MASP1: variants seen among roughly 807,000 people sequenced by gnomAD.
The protein encoded by MASP1 is mannan-binding lectin serine protease 1.
MASP1 carries 59 observed loss-of-function variants against 77.1 expected under a neutral mutation model. The observed-to-expected ratio is 0.77, with a 90% CI of 0.62 to 0.95. MASP1 has a LOEUF of 0.95. Among genes scored for constraint, MASP1 ranks in the 40% least tolerant of loss-of-function variants. MASP1 has a pLI of 0.00. For synonymous variants in MASP1, 362 were observed against 354.5 expected, an observed-to-expected ratio of 1.02 and a Z score of -0.24; for missense variants, 885 against 912.9, an observed-to-expected ratio of 0.97 and a Z score of 0.39.
intron 5 of MASP1, among the ~76,000 whole-genome samples, chr3:187,253,626 G>A (rs904061915): frequency 6.6e-6 from 1 of 152,106 alleles, no homozygotes; most frequent in Non-Finnish European, 1.5e-5. Context: ...GCATTGATGT[G>A]GCACATATAC....
At chr3:187,254,939 C>A (rs1714946891) in intron 5 of MASP1, among the ~76,000 whole-genome samples, 1 of 152,048 alleles carries the variant, frequency 6.6e-6, no homozygotes, top group African/African-American at 2.4e-5. Context: ...ACAAATGAAG[C>A]CCCAAGAGGT....
At chr3:187,291,209 A>G (rs955692853) in intron 1 of MASP1, 5 of 252,706 alleles carry the variant, frequency 2.0e-5, no homozygotes, top group Non-Finnish European at 3.2e-5. Context: ...TTTTCTGGTC[A>G]GAAGGAATGA....
At chr3:187,250,897 G>A (rs1046344100) in intron 7 of MASP1, among the ~76,000 whole-genome samples, 4 of 152,252 alleles carry the variant, frequency 2.6e-5, no homozygotes, top group Middle Eastern at 3.4e-3. Context: ...TTTTTAAAGC[G>A]AACCATGTGA....
chr3:187,238,384 A>G (rs1024811487), intron 10 of MASP1, among the ~76,000 whole-genome samples: 1 of 152,150 alleles, frequency 6.6e-6, no homozygotes, highest in African/African-American at 2.4e-5. Flanking sequence ...TCTCCACTGA[A>G]ATCTGTTTTT....
Position 187,235,104 on chromosome 3 carries a change from C to G in MASP1, c.*580G>C, listed in dbSNP as rs187727021. 1.6e-6 allele frequency: 2 copies of G among 1,287,176 alleles called. No homozygotes were observed. The highest frequency in any genetic ancestry group is 3.0e-5 in the African/African-American group (2 of 65,798). 79.7% of individuals were successfully genotyped at this position (1,287,176 alleles called of 1,614,324 possible). On this transcript the variant is annotated 3_prime_UTR_variant, in exon 11 of 11. Transcript: ENST00000296280. ...CAAGAAGCTTTTGGGAGAGAAACCC[C>G]AGGCATGAAGGTGCTCCAAGGGATC...
intron 10 of MASP1, among the ~76,000 whole-genome samples, chr3:187,238,480 T>G (rs1713357962): frequency 6.6e-6 from 1 of 152,224 alleles, no homozygotes; most frequent in Non-Finnish European, 1.5e-5. Flanking sequence ...TCATTCTTAT[T>G]GGCTGCTGCC....
At chr3:187,228,348 C>CAAA (rs1712559481) in intron 11 of MASP1, among the ~76,000 whole-genome samples, 1 of 151,678 alleles carries the variant, frequency 6.6e-6, no homozygotes, top group African/African-American at 2.4e-5. Flanking sequence ...TAGGTGCACA[C>CAAA]AATCCATCTC....
chr3:187,276,004 T>C (rs1419174735), intron 2 of MASP1, among the ~76,000 whole-genome samples: 3 of 151,554 alleles, frequency 2.0e-5, no homozygotes, highest in Admixed American at 2.0e-4. Flanking sequence ...TCTTCATTCA[T>C]GTTCCTGCCC....
Position 187,241,492 on chromosome 3 carries a change from G to C in MASP1, c.1292C>G (p.Thr431Ser), listed in dbSNP as rs758432223. The C allele has an allele frequency of 1.5e-5, 24 of 1,613,534 alleles. No individual in the cohort carries two copies. The East Asian group carries it at 2.0e-4, about 13-fold the overall frequency. Residue 431 changes from threonine to serine, a missense_variant, in exon 10 of 11, where the codon ACC becomes AGC. Thr to Ser is a moderately conservative substitution (Grantham distance 58). Transcript: ENST00000296280. ...MNKVLGRSLP[T>S]CLPECGQPSR... ...GGAGGGTGAGGTACCTGGAAGGCAG[G>C]TGGGTAGGCTTCTCCCCAATACTTT... is the stretch of plus-strand genomic sequence containing the variant.
At position 187,235,394 on chromosome 3, in the gene MASP1, G is replaced by GCAAT. The variant is rs1263592177; in HGVS notation, c.*289_*290insATTG. 5.5e-6 allele frequency: 8 copies of GCAAT among 1,459,940 alleles called. No homozygotes were observed. In the African/African-American group the frequency reaches 8.4e-5, roughly 15 times the overall value. The allele number at this position is 1,459,940 out of a possible 1,614,324, so 90.4% of individuals were successfully genotyped here. ...AAGCATGGCCTGGAAAGGAGTGCTG[G>GCAAT]GATTGGCACAGAGGCCTTGGTTGAG... On this transcript the variant is annotated 3_prime_UTR_variant, in exon 11 of 11. Coordinates refer to ENST00000296280, the MANE Select transcript of MASP1 (RefSeq NM_139125.4).
exon 16 of MASP1, chr3:187,219,892 C>A: frequency 1.5e-6 from 1 of 674,046 alleles, no homozygotes; most frequent in Non-Finnish European, 2.6e-6. Flanking sequence ...CACTCTCTTG[C>A]TCCATCTCTT....
Position 187,235,591 on chromosome 3 carries a change from T to C in MASP1, c.*93A>G. The C allele has an allele frequency of 2.5e-6, 4 of 1,593,464 alleles. No homozygotes were observed. The highest frequency in any genetic ancestry group is 3.4e-6 in the Non-Finnish European group (4 of 1,176,662). On this transcript the variant is annotated 3_prime_UTR_variant, in exon 11 of 11. Transcript: ENST00000296280. ...GCCACCGCTAGGTCAGTGTGTTCCA[T>C]TCCATATGGTCTGATAAGTAATGTG...
At chr3:187,257,856 C>T (rs536587897) in intron 4 of MASP1, among the ~76,000 whole-genome samples, 2 of 152,136 alleles carry the variant, frequency 1.3e-5, no homozygotes, top group South Asian at 4.1e-4. Context: ...CCAGAAAAAC[C>T]TTAAAACGGA....
chr3:187,231,348 C>A (rs1246329486), downstream of MASP1, among the ~76,000 whole-genome samples: 1 of 152,230 alleles, frequency 6.6e-6, no homozygotes, highest in African/African-American at 2.4e-5. Flanking sequence ...GCTTCCATTT[C>A]CCCGTTTGCC....
intron 10 of MASP1, among the ~76,000 whole-genome samples, chr3:187,237,049 G>A (rs1020907841): frequency 1.3e-5 from 2 of 152,226 alleles, no homozygotes; most frequent in Non-Finnish European, 2.9e-5. Flanking sequence ...GCAGGTCACA[G>A]CAAACGCTAG....
Position 187,220,101 on chromosome 3 carries a change from C to T in MASP1, c.2070G>A (p.Trp690Ter), listed in dbSNP as rs770475640. ...TCCTCACTCCGGTGACCCTCTGGATCCAGTCCTTGTTGTGGTGGATGTAAG... is the reference window on the plus strand; with the variant it reads ...TCCTCACTCCGGTGACCCTCTGGATTCAGTCCTTGTTGTGGTGGATGTAAG... Residue 690 changes from tryptophan (W) to a stop codon, truncating the protein, a stop_gained, in exon 16 of 16, where the codon TGG (tryptophan) becomes TGA (stop). Coordinates refer to the MASP1 transcript ENST00000337774. LOFTEE classifies it high-confidence loss of function. The T allele has an allele frequency of 3.1e-6, 5 of 1,613,988 alleles. No individual in the cohort carries two copies. The South Asian group carries it at 5.5e-5, about 18-fold the overall frequency.
intron 2 of MASP1, among the ~76,000 whole-genome samples, chr3:187,275,708 C>T (rs1053115732): frequency 6.6e-6 from 1 of 152,136 alleles, no homozygotes; most frequent in East Asian, 1.9e-4. Context: ...CTATGCTCTG[C>T]GGGCTCTCTG....
chr3:187,223,985 A>G (rs1156704173), intron 13 of MASP1, among the ~76,000 whole-genome samples: 1 of 152,244 alleles, frequency 6.6e-6, no homozygotes, highest in Non-Finnish European at 1.5e-5. Flanking sequence ...GTTAATGAAC[A>G]TAAAGCACCT....
chr3:187,285,266 C>T (rs1717758896), intron 2 of MASP1, among the ~76,000 whole-genome samples: 1 of 152,130 alleles, frequency 6.6e-6, no homozygotes, highest in Admixed American at 6.6e-5. Context: ...TGACCGTCCC[C>T]TTCCTACCCA....
Sources: gnomAD v4.1 joint callset for allele counts (sites outside exome capture counted in the v4.1 genomes callset) on GRCh38, gnomAD v4.1.1 for gene constraint, MANE v1.5 for transcripts, NCBI Gene and HGNC (gene_info 2026-07-23, HGNC 2026-07-21) for gene names.